LRRC8A: variants seen among roughly 807,000 people sequenced by gnomAD.
LRRC8A encodes volume-regulated anion channel subunit LRRC8A.
LRRC8A carries 24 observed loss-of-function variants against 52.5 expected under a neutral mutation model. The observed-to-expected ratio is 0.46, with a 90% confidence interval of 0.33 to 0.64. The LOEUF (loss-of-function observed/expected upper bound fraction) is 0.64. Among genes scored for constraint, LRRC8A ranks in the 30% least tolerant of loss-of-function variants. The pLI is 0.02. For synonymous variants in LRRC8A, 492 were observed against 494.2 expected, an observed-to-expected ratio of 1.00 and a Z score of 0.06; for missense variants, 677 against 1,094.7, an observed-to-expected ratio of 0.62 and a Z score of 5.38.
chr9:128,904,684 CA>C (rs749430847), intron 2 of LRRC8A, among the ~76,000 whole-genome samples: 23 of 151,834 alleles, frequency 1.5e-4, no homozygotes, highest in Non-Finnish European at 2.8e-4. Context: ...CCTGTCTCTA[CA>C]AAAAATTTTA....
rs1282054645 is a variant in LRRC8A, at chr9:128,882,165, C to G, written c.-201C>G. 1 of 152,622 alleles carries G rather than the reference C, an allele frequency of 6.6e-6. No individual in the cohort carries two copies. Among genetic ancestry groups the G allele is most frequent in the East Asian group, 1.9e-4 (1 of 5,184 alleles). 9.5% of individuals were successfully genotyped at this position (152,622 alleles called of 1,614,324 possible). On this transcript the variant is annotated 5_prime_UTR_variant, in exon 1 of 4. Coordinates refer to ENST00000372600, the MANE Select transcript of LRRC8A (RefSeq NM_019594.4). Reference sequence around the variant, plus strand: ...GCAGTGAGGGACAAACAAAAGGAGGCGCCGGAGCAGCGCTGCGGCCGGCGG... The same window carrying G: ...GCAGTGAGGGACAAACAAAAGGAGGGGCCGGAGCAGCGCTGCGGCCGGCGG...
At chr9:128,912,376 C>T (rs10988152) in intron 3 of LRRC8A, among the ~76,000 whole-genome samples, 85,419 of 151,884 alleles carry the variant, frequency 0.56, 28,806 homozygotes, top group Non-Finnish European at 0.71. Context: ...GAGGAACAGG[C>T]CCCTGAAGAA....
At chr9:128,904,800 C>T (rs542574476) in intron 2 of LRRC8A, among the ~76,000 whole-genome samples, 2 of 152,038 alleles carry the variant, frequency 1.3e-5, no homozygotes, top group South Asian at 4.1e-4. Flanking sequence ...CGAGACCATC[C>T]TGGCTAACAC....
rs539844890 is a variant in LRRC8A, at chr9:128,894,259, A to C, written c.-9+8138A>C. Among the ~76,000 whole-genome samples, 579 of 150,284 alleles carry C rather than the reference A, an allele frequency of 3.9e-3. 4 individuals are homozygous for C. Among genetic ancestry groups the C allele is most frequent in the Middle Eastern group, 7.3e-3 (2 of 274 alleles). On this transcript the variant is annotated intron_variant, in intron 2 of 3. Transcript: ENST00000372600. ...AGCACTTTGGGAGGCTGAGGCAGGCAGATCACAAGGTCAGTAGATCGAGAT... is the reference window on the plus strand; with the variant it reads ...AGCACTTTGGGAGGCTGAGGCAGGCCGATCACAAGGTCAGTAGATCGAGAT...
At position 128,909,243 on chromosome 9, in the gene LRRC8A, C is replaced by T. The variant is rs1840391612; in HGVS notation, c.2079C>T (p.Ser693=). ...YCRKLRYLDL[S]HNNLTFLPAD... ...GCAAGCTGCGCTACCTGGACCTCAG[C>T]CACAACAACCTGACCTTCCTCCCTG... Residue 693 remains serine, a synonymous_variant, in exon 3 of 4, where the codon AGC becomes AGT. Coordinates refer to ENST00000372600, the MANE Select transcript of LRRC8A (RefSeq NM_019594.4). 1.2e-6 allele frequency: 2 copies of T among 1,614,148 alleles called. No homozygotes were observed. Among genetic ancestry groups the T allele is most frequent in the Non-Finnish European group, 1.7e-6 (2 of 1,180,050 alleles).
intron 1 of LRRC8A, among the ~76,000 whole-genome samples, chr9:128,884,360 T>C (rs931874777): frequency 6.6e-6 from 1 of 152,202 alleles, no homozygotes; most frequent in Non-Finnish European, 1.5e-5. Flanking sequence ...TGTGGGGCTC[T>C]TAGAGCCCAG....
intron 1 of LRRC8A, chr9:128,883,058 T>A (rs1022569321): frequency 3.0e-6 from 1 of 328,858 alleles, no homozygotes; most frequent in Non-Finnish European, 5.5e-6. Context: ...TCTCAGCTGT[T>A]GCGATTGTTG....
At position 128,908,327 on chromosome 9, in the gene LRRC8A, A is replaced by G; in HGVS notation, c.1163A>G (p.Lys388Arg). Residue 388 changes from lysine to arginine, a missense_variant, in exon 3 of 4, where the codon AAG becomes AGG. Lys to Arg is a conservative substitution (Grantham distance 26). Around this residue, in one of 4 missense-constraint regions of LRRC8A, gnomAD observed 422 missense variants for 741.5 expected, o/e 0.57. Transcript: ENST00000372600. The part of the protein sequence containing the change: ...LIDQYDPLYS[K>R]RFAVFLSEVS... Reference sequence around the variant, plus strand: ...GACCAATACGACCCGCTCTACTCCAAGCGCTTCGCCGTCTTCCTGTCGGAG... The same window carrying G: ...GACCAATACGACCCGCTCTACTCCAGGCGCTTCGCCGTCTTCCTGTCGGAG... 2.5e-6 allele frequency: 4 copies of G among 1,614,070 alleles called. No homozygotes were observed. The highest frequency in any genetic ancestry group is 3.4e-6 in the Non-Finnish European group (4 of 1,180,028).
In LRRC8A at chr9:128,907,370, TCCGGGGCTGGGCAGCCC is replaced by T; in HGVS notation, c.208_224del (p.Arg70TrpfsTer16). ...ACCAAGGACTCCTGCAATGATTCGT[TCCGGGGCTGGGCAGCCC>T]CTGGCCCGGAGCCCACCTACCCCAA... is the stretch of plus-strand genomic sequence containing the variant. On this transcript the variant is annotated frameshift_variant, in exon 3 of 4. Coordinates refer to ENST00000372600, the MANE Select transcript of LRRC8A (RefSeq NM_019594.4). LOFTEE classifies it high-confidence loss of function. The surrounding 1 kb of genome is among the most constrained non-coding windows in gnomAD (Gnocchi z 9.3). 1 of 1,613,588 alleles carries T rather than the reference TCCGGGGCTGGGCAGCCC, an allele frequency of 6.2e-7. No individual in the cohort carries two copies. The highest frequency in any genetic ancestry group is 8.5e-7 in the Non-Finnish European group (1 of 1,180,002).
At chr9:128,915,207 C>T (rs908816199) in intron 3 of LRRC8A, among the ~76,000 whole-genome samples, 2 of 152,112 alleles carry the variant, frequency 1.3e-5, no homozygotes, top group Admixed American at 1.3e-4. Flanking sequence ...GTCCAAGGTC[C>T]CCCGTGGATG....
chr9:128,890,130 TTGTGTGTGTG>T lies in LRRC8A; in HGVS notation c.-9+4040_-9+4049del, dbSNP rs57721007. Among the ~76,000 whole-genome samples, 806 of 128,302 alleles carry T rather than the reference TTGTGTGTGTG, an allele frequency of 6.3e-3. 4 individuals carry two copies. The highest frequency in any genetic ancestry group is 7.7e-3 in the Non-Finnish European group (472 of 61,122). The allele number at this position is 128,302 out of a possible 152,430, so 84.2% of individuals were successfully genotyped here. ...ACAGTTGTTTTTTAGTGGCTTCATT[TTGTGTGTGTG>T]TGTGTGTGTGTGTGTGTGTGTGTGT... is the stretch of plus-strand genomic sequence containing the variant. On this transcript the variant is annotated intron_variant, in intron 2 of 3. Transcript: ENST00000372600.
chr9:128,906,252 C>A (rs1301598155), intron 2 of LRRC8A, among the ~76,000 whole-genome samples: 1 of 152,094 alleles, frequency 6.6e-6, no homozygotes, highest in Non-Finnish European at 1.5e-5. Context: ...CTTCATCCTC[C>A]CAAAATGCTG....
intron 2 of LRRC8A, among the ~76,000 whole-genome samples, chr9:128,897,821 G>A (rs1839874491): frequency 6.6e-6 from 1 of 152,062 alleles, no homozygotes; most frequent in Non-Finnish European, 1.5e-5. Flanking sequence ...TGGGATTACA[G>A]GCGTACACCT....
rs1588209605 is a variant in LRRC8A, at chr9:128,899,387, T to C, written c.-8-7770T>C. On this transcript the variant is annotated intron_variant, in intron 2 of 3. Coordinates refer to ENST00000372600, the MANE Select transcript of LRRC8A (RefSeq NM_019594.4). This position sits in a 1 kb window ranked among gnomAD's most constrained non-coding sequence, Gnocchi z 4.0. ...CACCCAGGTGCACCCCAAGAAGGGC[T>C]CTCGGTGGGGTCTGCTCCATCTGAA... 6.6e-6 allele frequency among the ~76,000 whole-genome samples: 1 copy of C among 151,940 alleles called. No individual in the cohort carries two copies. Among genetic ancestry groups the C allele is most frequent in the East Asian group, 1.9e-4 (1 of 5,166 alleles).
rs1015226524 is a variant in LRRC8A, at chr9:128,902,649, A to G, written c.-8-4508A>G. 1.3e-5 allele frequency among the ~76,000 whole-genome samples: 2 copies of G among 151,950 alleles called. No homozygotes were observed. Among genetic ancestry groups the G allele is most frequent in the African/African-American group, 4.8e-5 (2 of 41,344 alleles). On this transcript the variant is annotated intron_variant, in intron 2 of 3. Transcript: ENST00000372600. This position sits in a 1 kb window ranked among gnomAD's most constrained non-coding sequence, Gnocchi z 4.1. Reference sequence around the variant, plus strand: ...TCCTCTCCTCCCTCTTCTGTTCCCCAGTCTTTAGGTCCTGGCCCTGGATGG... The same window carrying G: ...TCCTCTCCTCCCTCTTCTGTTCCCCGGTCTTTAGGTCCTGGCCCTGGATGG...
chr9:128,914,792 G>A (rs183020431), intron 3 of LRRC8A, among the ~76,000 whole-genome samples: 3 of 152,312 alleles, frequency 2.0e-5, no homozygotes, highest in South Asian at 2.1e-4. Flanking sequence ...TTACTTACAC[G>A]CAGTAAGAAC....
At chr9:128,891,011 A>C (rs1415315802) in intron 2 of LRRC8A, among the ~76,000 whole-genome samples, 1 of 151,350 alleles carries the variant, frequency 6.6e-6, no homozygotes, top group Non-Finnish European at 1.5e-5. Flanking sequence ...TAGTCCAGGC[A>C]CAGTGGCTCA....
At chr9:128,883,668 A>G (rs904272967) in intron 1 of LRRC8A, among the ~76,000 whole-genome samples, 6 of 152,138 alleles carry the variant, frequency 3.9e-5, no homozygotes, top group Non-Finnish European at 8.8e-5. Flanking sequence ...TCTAGGGACC[A>G]TAGGGTACAG....
chr9:128,893,247 G>A (rs1250381191), intron 2 of LRRC8A, among the ~76,000 whole-genome samples: 3 of 152,044 alleles, frequency 2.0e-5, no homozygotes, highest in African/African-American at 7.2e-5. Context: ...GAGTGGTCTG[G>A]CCCTGCTCAG....
Sources: gnomAD v4.1 joint callset for allele counts (sites outside exome capture counted in the v4.1 genomes callset) on GRCh38, gnomAD v4.1.1 for gene constraint, gnomAD v4.1.1 regional missense constraint, Gnocchi (gnomAD v3.1) non-coding constraint, MANE v1.5 for transcripts, NCBI Gene and HGNC (gene_info 2026-07-23, HGNC 2026-07-21) for gene names.